Variants in TAF4B observed in about 807,000 individuals in gnomAD.
TAF4B encodes the protein transcription initiation factor TFIID subunit 4B.
Under a neutral mutation model 86.4 loss-of-function variants are expected in TAF4B, and 38 were observed. That is an observed-to-expected ratio of 0.44 (90% CI 0.34 to 0.58). The LOEUF (loss-of-function observed/expected upper bound fraction) is 0.58, where lower values mean the gene tolerates loss of function less well. TAF4B is among the 20% of genes least tolerant of loss of function. The pLI, the probability that TAF4B is intolerant of heterozygous loss-of-function variation, is 0.02. For synonymous variants in TAF4B, 388 were observed against 391.2 expected (o/e 0.99, Z 0.10); for missense variants, 988 against 1,027.6 (o/e 0.96, Z 0.53).
At chr18:26,281,844 A>T (rs974282276) in intron 5 of TAF4B, 127 bp from the exon 6 acceptor site, 1 of 624,964 alleles carries the variant, frequency 1.6e-6, no homozygotes, top group African/African-American at 1.9e-5. Flanking sequence ...ATGAAGAAAA[A>T]AGCCTATATT....
intron 1 of TAF4B, among the ~76,000 whole-genome samples, chr18:26,262,406 T>A (rs2056182450): frequency 6.6e-6 from 1 of 152,086 alleles, no homozygotes; most frequent in Admixed American, 6.5e-5. Flanking sequence ...TTCTTGCTAT[T>A]CTTACTGAGT....
chr18:26,342,998 T>C (rs2057148034), intron 13 of TAF4B, among the ~76,000 whole-genome samples: 1 of 152,174 alleles, frequency 6.6e-6, no homozygotes, highest in East Asian at 1.9e-4. Flanking sequence ...ACACTTCATA[T>C]TTTCTCTCCC....
chr18:26,263,711 T>TTC (rs10670568), intron 1 of TAF4B, among the ~76,000 whole-genome samples: 16,121 of 150,956 alleles, frequency 0.11, 903 homozygotes, highest in African/African-American at 0.13. Flanking sequence ...CTTTCTCTCT[T>TTC]TCTCTCTCTC....
chr18:26,292,219 C>G, intron 7 of TAF4B, 27 bp from the exon 8 acceptor site: 2 of 1,608,140 alleles, frequency 1.2e-6, no homozygotes, highest in African/African-American at 1.3e-5. Context: ...AGTTGAACAA[C>G]TATATTGATA....
intron 14 of TAF4B, among the ~76,000 whole-genome samples, chr18:26,384,928 T>C (rs919588591): frequency 7.9e-5 from 12 of 152,194 alleles, no homozygotes; most frequent in Admixed American, 2.0e-4. Flanking sequence ...GTATATCTTA[T>C]GCCGCCTAGC....
chr18:26,236,852 C>G (rs1175772793), intron 1 of TAF4B, among the ~76,000 whole-genome samples: 1 of 152,148 alleles, frequency 6.6e-6, no homozygotes, highest in African/African-American at 2.4e-5. Flanking sequence ...ACTTTTAGAG[C>G]TTTCTCCTGA....
intron 9 of TAF4B, among the ~76,000 whole-genome samples, chr18:26,310,443 G>A (rs1332023944): frequency 6.6e-6 from 1 of 152,080 alleles, no homozygotes; most frequent in Non-Finnish European, 1.5e-5. Flanking sequence ...TAAGAAGAGA[G>A]GGAAATTCCC....
intron 14 of TAF4B, among the ~76,000 whole-genome samples, chr18:26,359,015 AG>A (rs1374159786): frequency 8.5e-5 from 13 of 152,198 alleles, no homozygotes; most frequent in Non-Finnish European, 1.8e-4. Flanking sequence ...CTGCCCAACC[AG>A]ATGTAACCAC....
At chr18:26,310,732 G>C (rs1350403870) in intron 9 of TAF4B, among the ~76,000 whole-genome samples, 3 of 152,170 alleles carry the variant, frequency 2.0e-5, no homozygotes, top group East Asian at 3.9e-4. Flanking sequence ...GAAAAGTAAG[G>C]GTTCCCCTGA....
chr18:26,337,095 T>A (rs1347676964), intron 13 of TAF4B, among the ~76,000 whole-genome samples: 1 of 152,208 alleles, frequency 6.6e-6, no homozygotes, highest in Non-Finnish European at 1.5e-5. Flanking sequence ...CTCCATTTAT[T>A]TCTTTTTCCA....
intron 14 of TAF4B, among the ~76,000 whole-genome samples, chr18:26,359,918 A>G (rs1178644454): frequency 6.7e-6 from 1 of 149,926 alleles, no homozygotes; most frequent in Non-Finnish European, 1.5e-5. Context: ...GAGTTTTGCC[A>G]TGTTGCCCAG....
intron 14 of TAF4B, among the ~76,000 whole-genome samples, chr18:26,372,688 C>A (rs927968021): frequency 6.6e-6 from 1 of 151,918 alleles, no homozygotes; most frequent in Admixed American, 6.6e-5. Context: ...ATAATAACAC[C>A]GGCTGGGCGC....
intron 13 of TAF4B, among the ~76,000 whole-genome samples, chr18:26,345,300 C>T (rs1598814759): frequency 6.6e-6 from 1 of 152,182 alleles, no homozygotes. Context: ...CCAGACATGT[C>T]TTTAGACCAG....
chr18:26,255,603 C>CAAAAA (rs71169836), intron 1 of TAF4B: 23,622 of 474,950 alleles, frequency 0.05, 863 homozygotes, highest in African/African-American at 0.23. Context: ...ACTCTGTCTC[C>CAAAAA]AAAAAAAAAA....
chr18:26,373,210 G>GT (rs1269273276), intron 14 of TAF4B, among the ~76,000 whole-genome samples: 3 of 152,082 alleles, frequency 2.0e-5, no homozygotes, highest in Non-Finnish European at 4.4e-5. Flanking sequence ...ATTTGAAATG[G>GT]GGATTGACCC....
chr18:26,261,498 C>G (rs2056167348), intron 1 of TAF4B, among the ~76,000 whole-genome samples: 1 of 152,230 alleles, frequency 6.6e-6, no homozygotes, highest in Non-Finnish European at 1.5e-5. Flanking sequence ...CTGCGCCCGG[C>G]CAGCACTGTC....
chr18:26,350,679 A>G (rs1351431580), intron 13 of TAF4B, among the ~76,000 whole-genome samples: 1 of 152,188 alleles, frequency 6.6e-6, no homozygotes, highest in Non-Finnish European at 1.5e-5. Flanking sequence ...CTGTTTCTAG[A>G]AAAAGAAAAT....
chr18:26,260,162 CTG>C (rs1568110730), intron 1 of TAF4B, among the ~76,000 whole-genome samples: 1 of 151,958 alleles, frequency 6.6e-6, no homozygotes, highest in African/African-American at 2.4e-5. Flanking sequence ...TTTGAGTTCT[CTG>C]TAGATTCTGG....
rs1456951245 is a variant in TAF4B, at chr18:26,321,117, A to T, written c.2050A>T (p.Ile684Phe). The change falls in exon 11 of 15, where the codon ATC becomes TTC. Residue 684 changes from isoleucine (I) to phenylalanine (F), a missense_variant. Physicochemically the swap from Ile to Phe is conservative, Grantham distance 21. This residue lies in a region of TAF4B where 216 missense variants were observed against 238.4 expected (regional missense o/e 0.91). Transcript: ENST00000269142. ...ACTTAACTCTGATGCTGTGAACTTGATCTCCCAAGCAACACAGGAACGACT... is the reference window on the plus strand; with the variant it reads ...ACTTAACTCTGATGCTGTGAACTTGTTCTCCCAAGCAACACAGGAACGACT... ...TELNSDAVNL[I>F]SQATQERLRG... is the part of the protein sequence containing the mutation. 1 of 1,613,886 alleles carries T rather than the reference A, an allele frequency of 6.2e-7. No homozygotes were observed. The highest frequency in any genetic ancestry group is 1.7e-5 in the Admixed American group (1 of 59,992).
Sources: allele counts gnomAD v4.1 joint callset (sites outside exome capture counted in the v4.1 genomes callset), GRCh38; gene constraint gnomAD v4.1.1; regional missense constraint gnomAD v4.1.1; transcripts MANE v1.5; gene names NCBI Gene and HGNC (gene_info 2026-07-23, HGNC 2026-07-21).